Variants in MAMDC2 observed in about 807,000 individuals in gnomAD.
The protein encoded by MAMDC2 is MAM domain-containing protein 2.
A neutral mutation model predicts 89.8 loss-of-function variants in MAMDC2; 57 were observed. The observed-to-expected ratio is 0.63, with a 90% CI of 0.51 to 0.79. MAMDC2 has a LOEUF of 0.79. MAMDC2 is among the 30% of genes least tolerant of loss of function. The pLI, the probability that MAMDC2 is intolerant of heterozygous loss-of-function variation, is 0.00. For missense variants in MAMDC2, 800 were observed against 820.6 expected (o/e 0.97, Z 0.31); for synonymous variants, 313 against 293.4 (o/e 1.07, Z -0.68).
chr9:70,059,158 G>A (rs1827090573), intron 2 of MAMDC2, among the ~76,000 whole-genome samples: 1 of 152,184 alleles, frequency 6.6e-6, no homozygotes, highest in South Asian at 2.1e-4. Context: ...GTAGCGAGGT[G>A]AAGCAGGAAA....
intron 11 of MAMDC2, among the ~76,000 whole-genome samples, chr9:70,212,199 T>A (rs1479089661): frequency 6.6e-6 from 1 of 152,228 alleles, no homozygotes; most frequent in Non-Finnish European, 1.5e-5. Flanking sequence ...CTGCTGCCTT[T>A]TGTTCAGCTA....
intron 2 of MAMDC2, chr9:70,086,480 A>G (rs964829679): frequency 2.1e-4 from 32 of 152,242 alleles, no homozygotes; most frequent in South Asian, 6.2e-4. Flanking sequence ...TGTTCTAGCT[A>G]TGAAGAGGTT....
chr9:70,129,813 C>G (rs1433291993), intron 6 of MAMDC2, among the ~76,000 whole-genome samples: 4 of 152,098 alleles, frequency 2.6e-5, no homozygotes, highest in Admixed American at 1.3e-4. Context: ...AAACAGGTCG[C>G]TTAAGAAACA....
chr9:70,154,248 C>T (rs1318001852), intron 9 of MAMDC2: 1 of 152,126 alleles, frequency 6.6e-6, no homozygotes, highest in Non-Finnish European at 1.5e-5. Flanking sequence ...ATTTCTGGAA[C>T]AGAGTGGGTT....
intron 5 of MAMDC2, among the ~76,000 whole-genome samples, chr9:70,125,342 G>A (rs1332465286): frequency 6.6e-6 from 1 of 152,202 alleles, no homozygotes; most frequent in East Asian, 1.9e-4. Flanking sequence ...TGTCATTCTA[G>A]AGATCAGGAA....
At chr9:70,110,448 C>T (rs1828477560) in intron 4 of MAMDC2, among the ~76,000 whole-genome samples, 1 of 152,138 alleles carries the variant, frequency 6.6e-6, no homozygotes, top group South Asian at 2.1e-4. Context: ...AGGGACAGTG[C>T]ACTGGAGCAG....
chr9:70,045,811 T>C (rs1826736507), intron 2 of MAMDC2, among the ~76,000 whole-genome samples: 1 of 152,212 alleles, frequency 6.6e-6, no homozygotes. Context: ...TATCACAGTG[T>C]CACTGAGTGG....
chr9:70,173,204 T>C (rs186432837), intron 11 of MAMDC2, among the ~76,000 whole-genome samples: 2 of 152,186 alleles, frequency 1.3e-5, no homozygotes, highest in Admixed American at 1.3e-4. Context: ...CCTTTCAACA[T>C]TGAATCTAGC....
At chr9:70,062,731 G>A (rs539683911) in intron 2 of MAMDC2, 2 of 152,330 alleles carry the variant, frequency 1.3e-5, no homozygotes, top group South Asian at 4.2e-4. Flanking sequence ...ACCAGGGTTG[G>A]AGCTCTGGGT....
At chr9:70,170,688 G>A (rs920184292) in intron 11 of MAMDC2, 57 bp downstream of exon 11, 10 of 1,486,282 alleles carry the variant, frequency 6.7e-6, no homozygotes, top group Non-Finnish European at 9.0e-6. Context: ...TAGCATTCTA[G>A]GAATCGTTTA....
chr9:70,211,947 T>A (rs894363288), intron 11 of MAMDC2, among the ~76,000 whole-genome samples: 2 of 152,232 alleles, frequency 1.3e-5, no homozygotes, highest in Non-Finnish European at 2.9e-5. Flanking sequence ...ACAGCAAATA[T>A]TGCAGAATGG....
At chr9:70,210,820 G>C (rs965693661) in intron 11 of MAMDC2, among the ~76,000 whole-genome samples, 1 of 152,172 alleles carries the variant, frequency 6.6e-6, no homozygotes, top group African/African-American at 2.4e-5. Context: ...TGTAAGACAG[G>C]CCTGGTAGTG....
chr9:70,127,046 A>T (rs541222805), intron 6 of MAMDC2, among the ~76,000 whole-genome samples: 1 of 152,188 alleles, frequency 6.6e-6, no homozygotes. Context: ...AGCCAACTTC[A>T]CAAAGGGGAG....
At chr9:70,061,427 C>G (rs1188736647) in intron 2 of MAMDC2, among the ~76,000 whole-genome samples, 2 of 152,206 alleles carry the variant, frequency 1.3e-5, no homozygotes, top group Non-Finnish European at 2.9e-5. Context: ...GTACTTATCA[C>G]TCTTTCACTG....
intron 5 of MAMDC2, among the ~76,000 whole-genome samples, chr9:70,116,125 T>C (rs1167026163): frequency 1.3e-5 from 2 of 152,242 alleles, no homozygotes; most frequent in African/African-American, 2.4e-5. Flanking sequence ...TCCCAAATCA[T>C]TTAAAAATTC....
chr9:70,173,278 T>C (rs1043261760), intron 11 of MAMDC2, among the ~76,000 whole-genome samples: 4 of 152,178 alleles, frequency 2.6e-5, no homozygotes, highest in African/African-American at 7.2e-5. Context: ...TGGAAATGTC[T>C]TGAGGGCATA....
chr9:70,072,486 T>C (rs1337912259), intron 2 of MAMDC2, among the ~76,000 whole-genome samples: 1 of 152,188 alleles, frequency 6.6e-6, no homozygotes, highest in East Asian at 1.9e-4. Context: ...AATAGAATAA[T>C]AGTAGTAGCT....
At chr9:70,174,267 T>C (rs1006487221) in intron 11 of MAMDC2, among the ~76,000 whole-genome samples, 5 of 152,144 alleles carry the variant, frequency 3.3e-5, no homozygotes, top group African/African-American at 1.2e-4. Flanking sequence ...GAAACACAGA[T>C]GAACAAAACA....
At chr9:70,046,036 G>A (rs1446975649) in intron 2 of MAMDC2, among the ~76,000 whole-genome samples, 3 of 152,184 alleles carry the variant, frequency 2.0e-5, no homozygotes, top group Non-Finnish European at 4.4e-5. Flanking sequence ...TCCCTATACT[G>A]GCTGTATGGA....
Sources: gnomAD v4.1 joint callset for allele counts (sites outside exome capture counted in the v4.1 genomes callset) on GRCh38, gnomAD v4.1.1 for gene constraint, MANE v1.5 for transcripts, NCBI Gene and HGNC (gene_info 2026-07-23, HGNC 2026-07-21) for gene names.